CTTNBP2NL: variants seen among roughly 807,000 people sequenced by gnomAD.
CTTNBP2NL encodes CTTNBP2 N-terminal like.
CTTNBP2NL carries 16 observed loss-of-function variants against 32.5 expected under a neutral mutation model. The observed-to-expected ratio is 0.49, with a 90% CI of 0.33 to 0.75. CTTNBP2NL has a LOEUF of 0.75. Ranked by LOEUF, CTTNBP2NL falls within the 30% of genes least tolerant of loss-of-function variation. CTTNBP2NL has a pLI of 0.02. For missense variants in CTTNBP2NL, 645 were observed against 756.0 expected (o/e 0.85, Z 1.72); for synonymous variants, 298 against 289.4 (o/e 1.03, Z -0.30).
intron 4 of CTTNBP2NL, among the ~76,000 whole-genome samples, chr1:112,450,204 C>T (rs1777617): frequency 3.3e-4 from 51 of 152,270 alleles, no homozygotes; most frequent in African/African-American, 1.1e-3. Flanking sequence ...GGATCTTGCC[C>T]GTGATCTTTT....
rs184334018 is a variant in CTTNBP2NL, at chr1:112,436,337, G to A, written c.100-12605G>A. ...CAGAGTCTTAGAGGCCTAGAATAGAGCCAGTTTTCCTATTCCTTATGGGAT... is the reference window on the plus strand; with the variant it reads ...CAGAGTCTTAGAGGCCTAGAATAGAACCAGTTTTCCTATTCCTTATGGGAT... On this transcript the variant is annotated intron_variant, in intron 3 of 5. Transcript: ENST00000271277. Among the ~76,000 whole-genome samples the A allele has an allele frequency of 8.5e-5, 13 of 152,290 alleles. No homozygotes were observed. In the East Asian group the frequency reaches 2.5e-3, roughly 29 times the overall value.
At chr1:112,405,923 C>T (rs1648650132) in intron 1 of CTTNBP2NL, among the ~76,000 whole-genome samples, 1 of 152,118 alleles carries the variant, frequency 6.6e-6, no homozygotes, top group Non-Finnish European at 1.5e-5. Context: ...CAGTGGCTCA[C>T]GCCTGTAATC....
intron 1 of CTTNBP2NL, among the ~76,000 whole-genome samples, chr1:112,403,997 G>A (rs186672275): frequency 2.0e-5 from 3 of 152,380 alleles, no homozygotes; most frequent in Admixed American, 6.5e-5. Flanking sequence ...GATGAGAAAT[G>A]AGAAGCTGAC....
intron 3 of CTTNBP2NL, among the ~76,000 whole-genome samples, chr1:112,442,103 C>T (rs1161504659): frequency 1.3e-5 from 2 of 152,138 alleles, no homozygotes; most frequent in Admixed American, 6.5e-5. Context: ...CAAAAGTGCT[C>T]TAAAAAATAA....
intron 3 of CTTNBP2NL, among the ~76,000 whole-genome samples, chr1:112,442,092 C>G (rs1170635444): frequency 2.0e-5 from 3 of 152,100 alleles, no homozygotes; most frequent in Admixed American, 6.5e-5. Flanking sequence ...TGCAGTGAAC[C>G]CAAAAGTGCT....
chr1:112,428,639 T>C (rs973513723), intron 3 of CTTNBP2NL, among the ~76,000 whole-genome samples: 7 of 152,150 alleles, frequency 4.6e-5, no homozygotes, highest in Admixed American at 2.0e-4. Flanking sequence ...AATTTCACAT[T>C]TCACCACAAT....
At chr1:112,446,125 TA>T (rs2101027830) in intron 3 of CTTNBP2NL, among the ~76,000 whole-genome samples, 1 of 151,856 alleles carries the variant, frequency 6.6e-6, no homozygotes, top group Admixed American at 6.6e-5. Context: ...TTCAGCTGCA[TA>T]AAGAGATTAT....
Position 112,456,665 on chromosome 1 carries a change from G to A in CTTNBP2NL, c.1173G>A (p.Gly391=), listed in dbSNP as rs1570749156. ...LAQEKPVENG[G]CPVGIETPVP... ...AAGAGAAACCAGTGGAGAATGGTGG[G>A]TGTCCTGTGGGGATTGAGACTCCAG... is the stretch of plus-strand genomic sequence containing the variant. The change falls in exon 6 of 6, where the codon GGG becomes GGA. Residue 391 remains glycine, a synonymous_variant. Transcript: ENST00000271277. The A allele has an allele frequency of 1.9e-6, 3 of 1,614,138 alleles. No homozygotes were observed. Among genetic ancestry groups the A allele is most frequent in the African/African-American group, 1.3e-5 (1 of 75,030 alleles).
intron 2 of CTTNBP2NL, 29 bp from the exon 3 acceptor site, chr1:112,416,128 A>G: frequency 8.9e-7 from 1 of 1,117,962 alleles, no homozygotes; most frequent in Non-Finnish European, 1.3e-6. Flanking sequence ...ATGTCTTTGG[A>G]GATTGTCTGA....
intron 3 of CTTNBP2NL, among the ~76,000 whole-genome samples, chr1:112,430,199 TTCTTTTCTTTTCTTTTCTTTTCTTG>T (rs78734757): frequency 0.42 from 52,861 of 127,238 alleles, 11,082 homozygotes; most frequent in South Asian, 0.62. Context: ...TTCTTTTCTT[TTCTTTTCTTTTCTTTTCTTTTCTTG>T]TCTTTTCTCT....
chr1:112,403,872 A>G (rs1308524715), intron 1 of CTTNBP2NL, among the ~76,000 whole-genome samples: 8 of 152,244 alleles, frequency 5.3e-5, no homozygotes, highest in African/African-American at 1.9e-4. Context: ...AGAAGTCAGA[A>G]GTAAACTTGT....
At chr1:112,393,782 G>C (rs1413611990), upstream of CTTNBP2NL, among the ~76,000 whole-genome samples, 1 of 152,196 alleles carries the variant, frequency 6.6e-6, no homozygotes, top group Non-Finnish European at 1.5e-5. Context: ...TACGCAGAAG[G>C]GAAGCCAGGA....
chr1:112,455,908 C>G, intron 5 of CTTNBP2NL, 23 bp from the exon 6 acceptor site: 6 of 1,552,240 alleles, frequency 3.9e-6, no homozygotes, highest in Non-Finnish European at 5.2e-6. Context: ...GTCAGTATGT[C>G]TCTCTTTTCT....
At chr1:112,448,572 G>A (rs190444886) in intron 3 of CTTNBP2NL, among the ~76,000 whole-genome samples, 4 of 152,168 alleles carry the variant, frequency 2.6e-5, no homozygotes, top group Admixed American at 1.3e-4. Context: ...CACAGACTTC[G>A]GGGCCAGGTT....
At chr1:112,396,669 C>T (rs1224273032) in intron 1 of CTTNBP2NL, 1 of 152,258 alleles carries the variant, frequency 6.6e-6, no homozygotes, top group Non-Finnish European at 1.5e-5. Context: ...TGTCCCTGCT[C>T]GCCAGGGTGG....
Position 112,456,408 on chromosome 1 carries a change from A to G in CTTNBP2NL, c.916A>G (p.Met306Val), listed in dbSNP as rs145418031. The G allele has an allele frequency of 2.1e-3, 3,322 of 1,613,974 alleles. 71 individuals carry two copies. In the African/African-American group the frequency reaches 0.038, roughly 19 times the overall value. Residue 306 changes from methionine to valine, a missense_variant, in exon 6 of 6, where the codon ATG (methionine) becomes GTG (valine). Physicochemically the swap from Met to Val is conservative, Grantham distance 21. Transcript: ENST00000271277. ...VSKGTATEPL[M>V]LMSVFCQTES... Reference sequence around the variant, plus strand: ...CAAAGGCACAGCAACTGAGCCTCTCATGCTAATGTCTGTGTTTTGCCAAAC... The same window carrying G: ...CAAAGGCACAGCAACTGAGCCTCTCGTGCTAATGTCTGTGTTTTGCCAAAC...
At chr1:112,419,340 T>TTA (rs1219331259) in intron 3 of CTTNBP2NL, among the ~76,000 whole-genome samples, 15 of 152,218 alleles carry the variant, frequency 9.9e-5, no homozygotes, top group African/African-American at 3.6e-4. Context: ...AATCGAAATG[T>TTA]TATGTCTTTG....
At chr1:112,408,226 T>C (rs1308036453) in intron 1 of CTTNBP2NL, among the ~76,000 whole-genome samples, 2 of 143,328 alleles carry the variant, frequency 1.4e-5, no homozygotes, top group Non-Finnish European at 3.1e-5. Flanking sequence ...TTTAATTTTT[T>C]TTTTTTTTTT....
chr1:112,447,227 T>C (rs1650072456), intron 3 of CTTNBP2NL, among the ~76,000 whole-genome samples: 1 of 143,548 alleles, frequency 7.0e-6, no homozygotes, highest in Non-Finnish European at 1.5e-5. Flanking sequence ...TGAGCCAAGA[T>C]TGTGCCACTG....
Sources: allele counts gnomAD v4.1 joint callset (sites outside exome capture counted in the v4.1 genomes callset), GRCh38; gene constraint gnomAD v4.1.1; transcripts MANE v1.5; gene names NCBI Gene and HGNC (gene_info 2026-07-23, HGNC 2026-07-21).